UGT1A8: variants seen among roughly 807,000 people sequenced by gnomAD.
The protein encoded by UGT1A8 is UDP glucuronosyltransferase family 1 member A8.
UGT1A8 carries 39 observed loss-of-function variants against 45.3 expected under a neutral mutation model. That is an observed-to-expected ratio of 0.86 (90% CI 0.67 to 1.12). UGT1A8 has a LOEUF of 1.12. Ranked by LOEUF, UGT1A8 falls within the 50% of genes most tolerant of loss-of-function variation. The probability of loss-of-function intolerance (pLI) is 0.00; values close to 1 mark genes in which losing one functional copy is unlikely to be tolerated. For synonymous variants in UGT1A8, 275 were observed against 249.2 expected (o/e 1.10, Z -0.97); for missense variants, 719 against 664.9 (o/e 1.08, Z -0.90).
chr2:233,721,879 C>G, intron 1 of UGT1A8: 1 of 493,898 alleles, frequency 2.0e-6, no homozygotes, highest in South Asian at 1.5e-5. Context: ...ACTTGCCAGC[C>G]CCTCCATTGC....
chr2:233,769,820 A>C lies in UGT1A8; in HGVS notation c.1295+1381A>C, dbSNP rs1699945956. 1.3e-5 allele frequency: 11 copies of C among 843,066 alleles called. No individual in the cohort carries two copies. The highest frequency in any genetic ancestry group is 1.5e-5 in the Non-Finnish European group (9 of 599,386). The allele number at this position is 843,066 out of a possible 1,614,324, so 52.2% of individuals were successfully genotyped here. On this transcript the variant is annotated intron_variant, in intron 4 of 4. Transcript: ENST00000373450. The surrounding 1 kb of genome is among the most constrained non-coding windows in gnomAD (Gnocchi z 4.4). ...CTATGAGCCGTGATCATGCCACTGCACTCCAGCAACCTGGGCAACAGAGTG... is the reference window on the plus strand; with the variant it reads ...CTATGAGCCGTGATCATGCCACTGCCCTCCAGCAACCTGGGCAACAGAGTG...
chr2:233,681,869 T>C (rs777670351), intron 1 of UGT1A8: 5 of 1,539,726 alleles, frequency 3.2e-6, no homozygotes, highest in Non-Finnish European at 3.5e-6. Context: ...GTTCTATCTG[T>C]ACTTCTTCCA....
At chr2:233,757,247 G>C (rs1244146616) in intron 1 of UGT1A8, among the ~76,000 whole-genome samples, 2 of 143,632 alleles carry the variant, frequency 1.4e-5, no homozygotes. Flanking sequence ...GGTGAGGTGG[G>C]GTTATTCAGG....
chr2:233,716,114 C>A (rs1457178462), intron 1 of UGT1A8, among the ~76,000 whole-genome samples: 2 of 152,082 alleles, frequency 1.3e-5, no homozygotes, highest in Admixed American at 1.3e-4. Flanking sequence ...TTAGTTTTTC[C>A]ATCTTAGTTT....
intron 1 of UGT1A8, among the ~76,000 whole-genome samples, chr2:233,737,817 A>C (rs1486472314): frequency 6.6e-6 from 1 of 152,110 alleles, no homozygotes; most frequent in Admixed American, 6.5e-5. Flanking sequence ...TCAGTGGAGC[A>C]GAACAAATTG....
At position 233,617,951 on chromosome 2, in the gene UGT1A8, A is replaced by G. The variant is rs1037287750; in HGVS notation, c.244A>G (p.Thr82Ala). The change falls in exon 1 of 5, where the codon ACT becomes GCT. Residue 82 changes from threonine to alanine, a missense_variant. Physicochemically the swap from Thr to Ala is moderately conservative, Grantham distance 58. Coordinates refer to ENST00000373450, the MANE Select transcript of UGT1A8 (RefSeq NM_019076.5). ...AGTGAAGACTTACTCAACCTCATAC[A>G]CTCTGGAGGATCTGGACCGGGAATT... The part of the protein sequence containing the change: ...CTVKTYSTSY[T>A]LEDLDREFMD... 74 of 1,613,840 alleles carry G rather than the reference A, an allele frequency of 4.6e-5. No individual in the cohort carries two copies. The highest frequency in any genetic ancestry group is 6.7e-5 in the African/African-American group (5 of 74,840).
chr2:233,743,699 GC>G, intron 1 of UGT1A8: 2 of 1,367,268 alleles, frequency 1.5e-6, no homozygotes, highest in Non-Finnish European at 2.0e-6. Context: ...GCCGCCCTCC[GC>G]CCCCGCCTCG....
At chr2:233,745,275 A>G (rs1321529311) in intron 1 of UGT1A8, among the ~76,000 whole-genome samples, 1 of 151,868 alleles carries the variant, frequency 6.6e-6, no homozygotes, top group East Asian at 1.9e-4. Flanking sequence ...GGCCGTGTGT[A>G]TAGCACTGGG....
Position 233,626,724 on chromosome 2 carries a change from T to C in UGT1A8, c.855+8162T>C, listed in dbSNP as rs538312059. On this transcript the variant is annotated intron_variant, in intron 1 of 4. Coordinates refer to ENST00000373450, the MANE Select transcript of UGT1A8 (RefSeq NM_019076.5). Reference sequence around the variant, plus strand: ...AATCTTTTCCATAGAAAACTGTGTGTAATGAGTTCTAAAGTTCCTTATGAC... The same window carrying C: ...AATCTTTTCCATAGAAAACTGTGTGCAATGAGTTCTAAAGTTCCTTATGAC... Among the ~76,000 whole-genome samples the C allele has an allele frequency of 2.6e-5, 4 of 152,210 alleles. No homozygotes were observed. In the East Asian group the frequency reaches 7.7e-4, roughly 29 times the overall value.
chr2:233,692,514 G>A (rs902529151), intron 1 of UGT1A8, among the ~76,000 whole-genome samples: 2 of 152,148 alleles, frequency 1.3e-5, no homozygotes, highest in Admixed American at 1.3e-4. Context: ...AACCTGTGGG[G>A]TCCGTGCTAA....
intron 1 of UGT1A8, among the ~76,000 whole-genome samples, chr2:233,730,680 C>A (rs1218688522): frequency 6.6e-6 from 1 of 152,088 alleles, no homozygotes; most frequent in Admixed American, 6.6e-5. Context: ...GTAATGGTTG[C>A]ATCTCAAATG....
At chr2:233,736,386 G>A (rs2078758058) in intron 1 of UGT1A8, among the ~76,000 whole-genome samples, 1 of 152,142 alleles carries the variant, frequency 6.6e-6, no homozygotes, top group South Asian at 2.1e-4. Context: ...CTTCTCTACA[G>A]TGTTTATTCT....
intron 4 of UGT1A8, 143 bp downstream of exon 4, chr2:233,768,582 CTTTTTTTTTTT>C (rs139595073): frequency 1.7e-3 from 1,723 of 1,029,514 alleles, no homozygotes; most frequent in Middle Eastern, 4.0e-3. Flanking sequence ...TTTATTTCTT[CTTTTTTTTTTT>C]TTTTTTTTTT....
chr2:233,714,873 C>A (rs1233346677), intron 1 of UGT1A8, among the ~76,000 whole-genome samples: 1 of 147,466 alleles, frequency 6.8e-6, no homozygotes, highest in African/African-American at 2.5e-5. Flanking sequence ...AAAATTCTAT[C>A]TTTTAAATTT....
chr2:233,725,049 T>G (rs1559369971), intron 1 of UGT1A8, among the ~76,000 whole-genome samples: 1 of 147,424 alleles, frequency 6.8e-6, no homozygotes, highest in African/African-American at 2.5e-5. Context: ...CAGTCAGGCG[T>G]GGCGGCGCGC....
chr2:233,623,740 G>A (rs1409284120), intron 1 of UGT1A8, among the ~76,000 whole-genome samples: 3 of 151,968 alleles, frequency 2.0e-5, no homozygotes, highest in South Asian at 2.1e-4. Context: ...AAACCCATAC[G>A]TTCTTGGCCA....
chr2:233,769,459 A>G lies in UGT1A8; in HGVS notation c.1295+1020A>G. On this transcript the variant is annotated intron_variant, in intron 4 of 4. Coordinates refer to ENST00000373450, the MANE Select transcript of UGT1A8 (RefSeq NM_019076.5). This position sits in a 1 kb window ranked among gnomAD's most constrained non-coding sequence, Gnocchi z 4.4. The stretch of plus-strand genomic sequence containing the variant: ...TGTGTGGGTGCACACGTGTGCATTC[A>G]TATGCGTGTGTGTGTGTGTGCGTGT... 1 of 1,591,312 alleles carries G rather than the reference A, an allele frequency of 6.3e-7. No individual in the cohort carries two copies. Among genetic ancestry groups the G allele is most frequent in the Non-Finnish European group, 8.6e-7 (1 of 1,161,842 alleles).
At chr2:233,753,320 G>A (rs1197807028) in intron 1 of UGT1A8, 1 of 152,228 alleles carries the variant, frequency 6.6e-6, no homozygotes, top group Non-Finnish European at 1.5e-5. Context: ...CTGTGGGATG[G>A]TGCCAGCTGA....
intron 1 of UGT1A8, among the ~76,000 whole-genome samples, chr2:233,673,534 G>T (rs376384747): frequency 6.6e-6 from 1 of 152,120 alleles, no homozygotes; most frequent in African/African-American, 2.4e-5. Flanking sequence ...GGATTTCCAT[G>T]AATTGAGAAG....
Sources: allele counts gnomAD v4.1 joint callset (sites outside exome capture counted in the v4.1 genomes callset), GRCh38; gene constraint gnomAD v4.1.1; non-coding constraint Gnocchi (gnomAD v3.1); transcripts MANE v1.5; gene names NCBI Gene and HGNC (gene_info 2026-07-23, HGNC 2026-07-21).